Variants in SHCBP1 observed in about 807,000 individuals in gnomAD.
SHCBP1 encodes SHC SH2 domain-binding protein 1.
A neutral mutation model predicts 75.1 loss-of-function variants in SHCBP1; 60 were observed. The observed-to-expected ratio is 0.80, with a 90% CI of 0.65 to 0.99. SHCBP1 has a LOEUF of 0.99. Ranked by LOEUF, SHCBP1 falls within the 50% of genes least tolerant of loss-of-function variation. The pLI, the probability that SHCBP1 is intolerant of heterozygous loss-of-function variation, is 0.00. For missense variants in SHCBP1, 709 were observed against 809.4 expected (o/e 0.88, Z 1.50); for synonymous variants, 290 against 293.2 (o/e 0.99, Z 0.11).
At chr16:46,598,259 G>T (rs1965174388) in intron 9 of SHCBP1, among the ~76,000 whole-genome samples, 2 of 152,138 alleles carry the variant, frequency 1.3e-5, no homozygotes, top group South Asian at 4.1e-4. Flanking sequence ...CCCATCGGAG[G>T]AATCACTATC....
At chr16:46,605,736 A>T (rs1965316696) in intron 5 of SHCBP1, among the ~76,000 whole-genome samples, 1 of 152,138 alleles carries the variant, frequency 6.6e-6, no homozygotes, top group Non-Finnish European at 1.5e-5. Context: ...GCCTTAAATG[A>T]TGTTGTTTTT....
intron 10 of SHCBP1, among the ~76,000 whole-genome samples, chr16:46,592,207 CAA>C (rs373376156): frequency 2.0e-5 from 3 of 151,614 alleles, no homozygotes; most frequent in African/African-American, 7.3e-5. Context: ...AACAATGAAA[CAA>C]AGAGTTGGTT....
intron 1 of SHCBP1, chr16:46,620,491 CTTTAT>C (rs1000450670): frequency 6.6e-6 from 1 of 152,174 alleles, no homozygotes; most frequent in African/African-American, 2.4e-5. Flanking sequence ...ACTTTAAAAA[CTTTAT>C]TTCACTTCAA....
rs1469704607 is a variant in SHCBP1 at position 46,603,534 on chromosome 16, C to T, written c.1213+5G>A. 17 of 1,614,086 alleles carry T rather than the reference C, an allele frequency of 1.1e-5. No individual in the cohort carries two copies. Among genetic ancestry groups the T allele is most frequent in the Non-Finnish European group, 1.4e-5 (17 of 1,180,002 alleles). The stretch of plus-strand genomic sequence containing the variant: ...AGAGTTTGGTTGTGTGTCTTCCATA[C>T]TCACCTTCCAACTCAATGGAGTCAG... On this transcript the variant is annotated splice_donor_5th_base_variant and intron_variant, in intron 8 of 12. Transcript: ENST00000303383.
In SHCBP1 at chr16:46,595,632, G is replaced by C; in HGVS notation, c.1384C>G (p.Leu462Val). Reference sequence around the variant, plus strand: ...GTGACTCCGGTCGTCTCACACTGCAGCACACAGTTTTCCAGCGTAGTCTTA... The same window carrying C: ...GTGACTCCGGTCGTCTCACACTGCACCACACAGTTTTCCAGCGTAGTCTTA... Reference protein sequence around the residue: ...RGKTTLENCVLQCETTGVTVR... With the variant: ...RGKTTLENCVVQCETTGVTVR... The change falls in exon 10 of 13, where the codon CTG (leucine) becomes GTG (valine). Residue 462 changes from leucine to valine, a missense_variant. Physicochemically the swap from Leu to Val is conservative, Grantham distance 32. Coordinates refer to ENST00000303383, the MANE Select transcript of SHCBP1 (RefSeq NM_024745.5). 6.2e-7 allele frequency: 1 copy of C among 1,614,110 alleles called. No individual in the cohort carries two copies. The highest frequency in any genetic ancestry group is 1.1e-5 in the South Asian group (1 of 91,068).
At chr16:46,610,898 G>A (rs1282294077) in intron 4 of SHCBP1, among the ~76,000 whole-genome samples, 2 of 152,058 alleles carry the variant, frequency 1.3e-5, no homozygotes, top group Non-Finnish European at 2.9e-5. Flanking sequence ...TAAACTGACA[G>A]TAAGATCTAC....
At chr16:46,600,954 G>A (rs1328633687) in intron 8 of SHCBP1, among the ~76,000 whole-genome samples, 3 of 152,090 alleles carry the variant, frequency 2.0e-5, no homozygotes, top group Non-Finnish European at 2.9e-5. Flanking sequence ...AGATTGCAGT[G>A]AGAGGAGATC....
In SHCBP1 at chr16:46,614,064, A is replaced by G. The variant is rs148959648; in HGVS notation, c.596+1882T>C. 3.0e-3 allele frequency among the ~76,000 whole-genome samples: 456 copies of G among 152,274 alleles called. 2 individuals carry two copies. Among genetic ancestry groups the G allele is most frequent in the African/African-American group, 0.01 (432 of 41,548 alleles). On this transcript the variant is annotated intron_variant, in intron 4 of 12. Coordinates refer to ENST00000303383, the MANE Select transcript of SHCBP1 (RefSeq NM_024745.5). ...TTATCAGTTATCACTTTATCTTCAA[A>G]TGCTTCAATTGACAGATTTTTTTTA...
At chr16:46,620,283 T>G (rs187411682) in intron 1 of SHCBP1, among the ~76,000 whole-genome samples, 51 of 152,288 alleles carry the variant, frequency 3.3e-4, no homozygotes, top group African/African-American at 1.1e-3. Context: ...ACAGTATTAT[T>G]AACTATAGTC....
chr16:46,607,157 C>G (rs544457625), intron 5 of SHCBP1, among the ~76,000 whole-genome samples: 1 of 152,208 alleles, frequency 6.6e-6, no homozygotes, highest in Non-Finnish European at 1.5e-5. Context: ...GAGTTCGAGA[C>G]CAGCCTGGCC....
Position 46,581,395 on chromosome 16 carries a change from C to T in SHCBP1, c.*334G>A. 4.0e-6 allele frequency: 1 copy of T among 251,050 alleles called. No individual in the cohort carries two copies. The highest frequency in any genetic ancestry group is 7.7e-6 in the Non-Finnish European group (1 of 130,512). 15.6% of individuals were successfully genotyped at this position (251,050 alleles called of 1,614,324 possible). ...ATTTTTATGCACTAGTCTTGCATTC[C>T]CTTCCTTACTTCCTCGTCTTTGAAG... On this transcript the variant is annotated 3_prime_UTR_variant, in exon 13 of 13. Coordinates refer to ENST00000303383, the MANE Select transcript of SHCBP1 (RefSeq NM_024745.5).
intron 10 of SHCBP1, 176 bp from the exon 11 acceptor site, chr16:46,584,265 C>A: frequency 2.2e-6 from 1 of 457,778 alleles, no homozygotes; most frequent in Non-Finnish European, 3.9e-6. Flanking sequence ...TGTTCCATTT[C>A]TAGCAAGTTG....
chr16:46,597,156 T>C (rs1009955406), intron 9 of SHCBP1, among the ~76,000 whole-genome samples: 1 of 152,162 alleles, frequency 6.6e-6, no homozygotes, highest in African/African-American at 2.4e-5. Flanking sequence ...TCCCAGTGCA[T>C]ACAAATGTTT....
At position 46,604,402 on chromosome 16, in the gene SHCBP1, A is replaced by C. The variant is rs769349334; in HGVS notation, c.749T>G (p.Leu250Arg). 3.1e-6 allele frequency: 5 copies of C among 1,614,082 alleles called. No individual in the cohort carries two copies. In the Admixed American group the frequency reaches 6.7e-5, roughly 22 times the overall value. The change falls in exon 6 of 13, where the codon CTG becomes CGG. Residue 250 changes from leucine (L) to arginine (R), a missense_variant. Coordinates refer to ENST00000303383, the MANE Select transcript of SHCBP1 (RefSeq NM_024745.5). ...GTAACTCTCCTCACATTGAGACAAC[A>C]GATTGTGGTAGTCAACAATAAGTCC... ...PSGLIVDYHN[L>R]LSQCEESYRK...
rs1268204849 is a variant in SHCBP1, at chr16:46,579,342, T to C, written c.*2387A>G. 1.3e-5 allele frequency among the ~76,000 whole-genome samples: 2 copies of C among 152,178 alleles called. No homozygotes were observed. Among genetic ancestry groups the C allele is most frequent in the Admixed American group, 6.5e-5 (1 of 15,274 alleles). ...TCTCCATGATTGAGGCAAAATGTACTGCATATAACTTAAATAAGAACAAAG... is the reference window on the plus strand; with the variant it reads ...TCTCCATGATTGAGGCAAAATGTACCGCATATAACTTAAATAAGAACAAAG... On this transcript the variant is annotated 3_prime_UTR_variant, in exon 13 of 13. Coordinates refer to ENST00000303383, the MANE Select transcript of SHCBP1 (RefSeq NM_024745.5).
In SHCBP1 at chr16:46,599,850, A is replaced by T. The variant is rs1475210675; in HGVS notation, c.1326T>A (p.Asp442Glu). 1.2e-6 allele frequency: 2 copies of T among 1,611,038 alleles called. No homozygotes were observed. The highest frequency in any genetic ancestry group is 1.6e-4 in the Middle Eastern group (1 of 6,080). ...KISGIKFVQH[D>E]AVEGILIVHR... ...ACTTACTTAAGATTCCCTCTACAGC[A>T]TCATGCTGAACAAATTTTATGCCTG... The change falls in exon 9 of 13, where the codon GAT becomes GAA. Residue 442 changes from aspartate (D) to glutamate (E), a missense_variant. Transcript: ENST00000303383.
intron 5 of SHCBP1, among the ~76,000 whole-genome samples, chr16:46,606,798 T>A (rs2143000937): frequency 6.6e-6 from 1 of 151,862 alleles, no homozygotes; most frequent in African/African-American, 2.4e-5. Context: ...CTAAACCAGG[T>A]AGAACTATTA....
chr16:46,621,206 C>T, intron 1 of SHCBP1, 51 bp downstream of exon 1: 1 of 1,552,932 alleles, frequency 6.4e-7, no homozygotes, highest in Non-Finnish European at 8.8e-7. Context: ...GTCCCGACGC[C>T]CCAGGCCTCC....
At chr16:46,595,035 T>C (rs1421696356) in intron 10 of SHCBP1, among the ~76,000 whole-genome samples, 1 of 152,148 alleles carries the variant, frequency 6.6e-6, no homozygotes, top group African/African-American at 2.4e-5. Flanking sequence ...TTTGAAATGA[T>C]GAAATAAATA....
Sources: allele counts gnomAD v4.1 joint callset (sites outside exome capture counted in the v4.1 genomes callset), GRCh38; gene constraint gnomAD v4.1.1; transcripts MANE v1.5; gene names NCBI Gene and HGNC (gene_info 2026-07-23, HGNC 2026-07-21).